The following ZNF521 variants were observed in gnomAD, a reference collection of about 807,000 sequenced individuals.
The protein encoded by ZNF521 is zinc finger protein 521, also known as LYST-interacting protein 3.
A neutral mutation model predicts 105.5 loss-of-function variants in ZNF521; 14 were observed. The observed-to-expected ratio is 0.13, with a 90% confidence interval of 0.09 to 0.21. The LOEUF (loss-of-function observed/expected upper bound fraction) is 0.21. Ranked by LOEUF, ZNF521 falls within the 10% of genes least tolerant of loss-of-function variation. The pLI is 1.00. For synonymous variants in ZNF521, 635 were observed against 606.0 expected (o/e 1.05, Z -0.70); for missense variants, 1,233 against 1,629.7 (o/e 0.76, Z 4.19).
In ZNF521 at chr18:25,225,851, G is replaced by C. The variant is rs1270091522; in HGVS notation, c.2067C>G (p.Ile689Met). ...TCTCACAGATGTAATACGTTGAAGT[G>C]ATCATAAAGTGAATGGTAACATGCT... ...LLKHVTIHFM[I>M]TSTYYICESC... Residue 689 changes from isoleucine to methionine, a missense_variant, in exon 4 of 8, where the codon ATC becomes ATG. By Grantham distance (10) the Ile-to-Met change is conservative. This residue lies in a region of ZNF521 where 614 missense variants were observed against 751.5 expected (regional missense o/e 0.82). Transcript: ENST00000361524. The surrounding 1 kb of genome is among the most constrained non-coding windows in gnomAD (Gnocchi z 5.6). The C allele has an allele frequency of 6.2e-7, 1 of 1,614,072 alleles. No individual in the cohort carries two copies. Among genetic ancestry groups the C allele is most frequent in the African/African-American group, 1.3e-5 (1 of 74,934 alleles).
chr18:25,212,466 T>C (rs1395494580), intron 4 of ZNF521, among the ~76,000 whole-genome samples: 3 of 117,590 alleles, frequency 2.6e-5, no homozygotes, highest in African/African-American at 1.0e-4. Context: ...GCCAAGATCA[T>C]GCCACTTCAC....
At chr18:25,239,537 C>T (rs913065242) in intron 3 of ZNF521, among the ~76,000 whole-genome samples, 1 of 152,204 alleles carries the variant, frequency 6.6e-6, no homozygotes, top group East Asian at 1.9e-4. Context: ...AACTACAAAG[C>T]AAATGAATAT....
intron 2 of ZNF521, chr18:25,327,515 G>T: frequency 4.8e-6 from 4 of 826,162 alleles, no homozygotes; most frequent in Non-Finnish European, 5.0e-6. Flanking sequence ...TCCCCTACAA[G>T]TATGTTCAAA....
At chr18:25,275,040 C>T (rs544609550) in intron 3 of ZNF521, among the ~76,000 whole-genome samples, 33 of 152,270 alleles carry the variant, frequency 2.2e-4, no homozygotes, top group African/African-American at 5.8e-4. Flanking sequence ...TCTGGGCTTT[C>T]ATTCAAAACA....
chr18:25,348,030 A>G (rs561015780), intron 2 of ZNF521, among the ~76,000 whole-genome samples: 28 of 152,218 alleles, frequency 1.8e-4, no homozygotes, highest in Non-Finnish European at 2.1e-4. Flanking sequence ...TGGTTTTGAA[A>G]TACTGTCACT....
intron 5 of ZNF521, among the ~76,000 whole-genome samples, chr18:25,164,206 G>C (rs2035298352): frequency 6.6e-6 from 1 of 152,186 alleles, no homozygotes; most frequent in South Asian, 2.1e-4. Context: ...CTGGTTAACT[G>C]TGTAAATACT....
intron 3 of ZNF521, among the ~76,000 whole-genome samples, chr18:25,283,922 T>C (rs78066209): frequency 0.012 from 1,199 of 97,174 alleles, 12 homozygotes; most frequent in African/African-American, 0.024. Context: ...GCCAATACTT[T>C]CCCCCCCCCC....
chr18:25,094,645 C>T (rs1328611429), intron 5 of ZNF521, among the ~76,000 whole-genome samples: 1 of 151,980 alleles, frequency 6.6e-6, no homozygotes, highest in Non-Finnish European at 1.5e-5. Context: ...GAGGTCTTTC[C>T]TAGTTACTGA....
intron 4 of ZNF521, among the ~76,000 whole-genome samples, chr18:25,207,683 A>G (rs2036107349): frequency 6.6e-6 from 1 of 152,162 alleles, no homozygotes; most frequent in African/African-American, 2.4e-5. Context: ...CCTAAAAGTA[A>G]ACGTTTTCAG....
Position 25,226,394 on chromosome 18 carries a change from T to G in ZNF521, c.1524A>C (p.Lys508Asn), listed in dbSNP as rs1213732166. The change falls in exon 4 of 8, where the codon AAA (lysine) becomes AAC (asparagine). Residue 508 changes from lysine to asparagine, a missense_variant. This residue lies in a region of ZNF521 where 380 missense variants were observed against 478.0 expected (regional missense o/e 0.80). Transcript: ENST00000361524. This position sits in a 1 kb window ranked among gnomAD's most constrained non-coding sequence, Gnocchi z 4.1. ...GGGGACAAAAGAATGCATTACTATC[T>G]TTAGCTGCAGGGTTTGCAAATCCAT... ...CSHGFANPAA[K>N]DSNAFFCPHC... 1 of 1,614,026 alleles carries G rather than the reference T, an allele frequency of 6.2e-7. No homozygotes were observed. The highest frequency in any genetic ancestry group is 8.5e-7 in the Non-Finnish European group (1 of 1,180,036).
chr18:25,100,132 C>T (rs1288202030), intron 5 of ZNF521, among the ~76,000 whole-genome samples: 2 of 151,006 alleles, frequency 1.3e-5, no homozygotes, highest in African/African-American at 4.9e-5. Context: ...TGGCATAAAG[C>T]CACTAGTTAT....
At chr18:25,112,207 T>C (rs1361901042) in intron 5 of ZNF521, among the ~76,000 whole-genome samples, 1 of 152,244 alleles carries the variant, frequency 6.6e-6, no homozygotes, top group African/African-American at 2.4e-5. Context: ...CATACAAATA[T>C]GAAATGAATC....
chr18:25,094,822 T>C (rs1463337828), intron 5 of ZNF521, among the ~76,000 whole-genome samples: 2 of 152,136 alleles, frequency 1.3e-5, no homozygotes, highest in Non-Finnish European at 2.9e-5. Flanking sequence ...ACTTGCTTAT[T>C]ACCTCAAGGT....
At chr18:25,324,420 T>C (rs879649881) in intron 2 of ZNF521, among the ~76,000 whole-genome samples, 1 of 147,418 alleles carries the variant, frequency 6.8e-6, no homozygotes, top group Non-Finnish European at 1.5e-5. Context: ...AAAATGGCAA[T>C]GATTCAAAGA....
chr18:25,225,187 T>C lies in ZNF521; in HGVS notation c.2731A>G (p.Ile911Val), dbSNP rs1906027233. The C allele has an allele frequency of 1.4e-5, 23 of 1,614,016 alleles. No homozygotes were observed. The highest frequency in any genetic ancestry group is 1.9e-5 in the Non-Finnish European group (23 of 1,180,032). Residue 911 changes from isoleucine (I) to valine (V), a missense_variant, in exon 4 of 8, where the codon ATC (isoleucine) becomes GTC (valine). Ile to Val is a conservative substitution (Grantham distance 29). Transcript: ENST00000361524. This position sits in a 1 kb window ranked among gnomAD's most constrained non-coding sequence, Gnocchi z 5.6. Reference protein sequence around the residue: ...LQNHQLRDHNIRPGESAIVKK... With the variant: ...LQNHQLRDHNVRPGESAIVKK... The stretch of plus-strand genomic sequence containing the variant: ...ACGATGGCACTTTCTCCAGGTCTGA[T>C]GTTGTGGTCTCGGAGCTGGTGATTC...
At chr18:25,176,395 T>C (rs776642298) in intron 5 of ZNF521, among the ~76,000 whole-genome samples, 1 of 152,226 alleles carries the variant, frequency 6.6e-6, no homozygotes, top group African/African-American at 2.4e-5. Context: ...TAACACATCA[T>C]GTATGCACTG....
chr18:25,352,065 CA>C lies in ZNF521; in HGVS notation c.-63del. 1 of 497,740 alleles carries C rather than the reference CA, an allele frequency of 2.0e-6. No homozygotes were observed. Among genetic ancestry groups the C allele is most frequent in the Non-Finnish European group, 4.0e-6 (1 of 247,864 alleles). 30.8% of individuals were successfully genotyped at this position (497,740 alleles called of 1,614,324 possible). A position where few individuals can be genotyped will look rare whatever the true frequency, so the allele number is the denominator to read the frequency against. ...TCCACATAATAATGGAAAATGGAAGCAAGGCCCCCAAAGCCATCAGGATGGC... is the reference window on the plus strand; with the variant it reads ...TCCACATAATAATGGAAAATGGAAGCAGGCCCCCAAAGCCATCAGGATGGC... On this transcript the variant is annotated 5_prime_UTR_variant, in exon 1 of 8. Coordinates refer to ENST00000361524, the MANE Select transcript of ZNF521 (RefSeq NM_015461.3).
chr18:25,316,675 T>C (rs1325185198), intron 3 of ZNF521, among the ~76,000 whole-genome samples: 2 of 152,092 alleles, frequency 1.3e-5, no homozygotes, highest in Non-Finnish European at 2.9e-5. Context: ...ACATGGATCG[T>C]TCCTGATTTC....
chr18:25,283,931 C>CA (rs1046304085), intron 3 of ZNF521, among the ~76,000 whole-genome samples: 4 of 142,696 alleles, frequency 2.8e-5, no homozygotes, highest in Non-Finnish European at 4.7e-5. Flanking sequence ...TTCCCCCCCC[C>CA]CCAAAAAAAT....
Sources: allele counts gnomAD v4.1 joint callset (sites outside exome capture counted in the v4.1 genomes callset), GRCh38; gene constraint gnomAD v4.1.1; regional missense constraint gnomAD v4.1.1; non-coding constraint Gnocchi (gnomAD v3.1); transcripts MANE v1.5; gene names NCBI Gene and HGNC (gene_info 2026-07-23, HGNC 2026-07-21).